Variants in CBLN2 observed in about 807,000 individuals in gnomAD.
CBLN2 encodes the protein cerebellin-2.
A neutral mutation model predicts 15.0 loss-of-function variants in CBLN2; 7 were observed. The observed-to-expected ratio is 0.47, with a 90% confidence interval of 0.27 to 0.88. CBLN2 has a LOEUF of 0.88. CBLN2 is among the 40% of genes least tolerant of loss of function. The pLI, the probability that CBLN2 is intolerant of heterozygous loss-of-function variation, is 0.14. For synonymous variants in CBLN2, 149 were observed against 135.2 expected, an observed-to-expected ratio of 1.10 and a Z score of -0.71; for missense variants, 242 against 304.5, an observed-to-expected ratio of 0.79 and a Z score of 1.53.
At chr18:72,568,124 T>C (rs2069308288) in intron 1 of CBLN2, among the ~76,000 whole-genome samples, 1 of 152,178 alleles carries the variant, frequency 6.6e-6, no homozygotes, top group Non-Finnish European at 1.5e-5. Context: ...TTATTCATTC[T>C]GTAAGTTTGA....
intron 1 of CBLN2, among the ~76,000 whole-genome samples, chr18:72,593,111 C>G (rs1348940145): frequency 1.3e-5 from 2 of 152,086 alleles, no homozygotes; most frequent in Non-Finnish European, 2.9e-5. Flanking sequence ...TTGATTATTG[C>G]AATTCACGAA....
In CBLN2 at chr18:72,543,533, G is replaced by C. The variant is rs2069134369; in HGVS notation, c.-211-3C>G. 2.5e-6 allele frequency: 1 copy of C among 397,140 alleles called. No individual in the cohort carries two copies. The highest frequency in any genetic ancestry group is 2.1e-5 in the African/African-American group (1 of 48,638). 24.6% of individuals were successfully genotyped at this position (397,140 alleles called of 1,614,324 possible). Reference sequence around the variant, plus strand: ...GCTCCGCTGTCCGCGAAGTTGCTCTGCTTAGAGAAAATGAGGCGAGTGGGA... The same window carrying C: ...GCTCCGCTGTCCGCGAAGTTGCTCTCCTTAGAGAAAATGAGGCGAGTGGGA... On this transcript the variant is annotated splice_polypyrimidine_tract_variant and splice_region_variant and intron_variant, in intron 1 of 4. Coordinates refer to ENST00000269503, the MANE Select transcript of CBLN2 (RefSeq NM_182511.4). The surrounding 1 kb of genome is among the most constrained non-coding windows in gnomAD (Gnocchi z 6.8).
chr18:72,550,662 T>C (rs1245016443), intron 1 of CBLN2, among the ~76,000 whole-genome samples: 5 of 152,152 alleles, frequency 3.3e-5, no homozygotes, highest in Non-Finnish European at 7.4e-5. Context: ...TCATGGAAAA[T>C]AACATAACAC....
At chr18:72,561,514 T>C (rs1478693241) in intron 1 of CBLN2, among the ~76,000 whole-genome samples, 1 of 152,172 alleles carries the variant, frequency 6.6e-6, no homozygotes, top group African/African-American at 2.4e-5. Flanking sequence ...ATAGCATTCC[T>C]CTGAAGATTT....
At chr18:72,637,034 A>C (rs2069817486) in intron 1 of CBLN2, among the ~76,000 whole-genome samples, 1 of 133,792 alleles carries the variant, frequency 7.5e-6, no homozygotes, top group Admixed American at 8.0e-5. Flanking sequence ...TATTAAAAAC[A>C]AAACTGCAAA....
chr18:72,599,924 C>A (rs994384461), intron 1 of CBLN2, among the ~76,000 whole-genome samples: 1 of 152,164 alleles, frequency 6.6e-6, no homozygotes, highest in Admixed American at 6.5e-5. Flanking sequence ...AGGGCCAAGA[C>A]TGAGTGAGCT....
At chr18:72,538,618 C>T (rs767423615) in intron 4 of CBLN2, 35 bp downstream of exon 4, 6 of 1,611,910 alleles carry the variant, frequency 3.7e-6, no homozygotes, top group Non-Finnish European at 5.1e-6. Context: ...ACTATTAACT[C>T]AAACCTGAAA....
rs145440735 is a variant in CBLN2, at chr18:72,605,145, A to T, written c.15+33180T>A. Among the ~76,000 whole-genome samples the T allele has an allele frequency of 2.6e-4, 40 of 152,260 alleles. No individual in the cohort carries two copies. The East Asian group carries it at 7.3e-3, about 28-fold the overall frequency. ...CTTCTTCCTCTCTTAAAATTTTCCA[A>T]TTGAATTGAATTTACAGTCAACCAA... On this transcript the variant is annotated intron_variant, in intron 1 of 2. Coordinates refer to the CBLN2 transcript ENST00000581073.
chr18:72,557,738 C>T (rs2069235427), intron 1 of CBLN2, among the ~76,000 whole-genome samples: 1 of 152,078 alleles, frequency 6.6e-6, no homozygotes, highest in South Asian at 2.1e-4. Context: ...GGGAAGAATA[C>T]ATACTACTGC....
chr18:72,605,413 T>A (rs554290557), intron 1 of CBLN2, among the ~76,000 whole-genome samples: 9 of 152,340 alleles, frequency 5.9e-5, no homozygotes. Flanking sequence ...TAAACCCAAC[T>A]GGCCTTTGCT....
intron 1 of CBLN2, among the ~76,000 whole-genome samples, chr18:72,613,385 TACTC>T (rs1264865754): frequency 6.6e-6 from 1 of 152,218 alleles, no homozygotes; most frequent in African/African-American, 2.4e-5. Context: ...GTGTGCCACT[TACTC>T]TGTCTCAAGA....
In CBLN2 at chr18:72,543,390, T is replaced by A; in HGVS notation, c.-167+96A>T. The A allele has an allele frequency of 2.5e-6, 1 of 396,222 alleles. No homozygotes were observed. Among genetic ancestry groups the A allele is most frequent in the Non-Finnish European group, 4.5e-6 (1 of 224,710 alleles). The allele number at this position is 396,222 out of a possible 1,614,324, so 24.5% of individuals were successfully genotyped here. ...ATGATTTCCCTTCTCTCTCTCCACC[T>A]CCTCCACCCCTCGATCTGGACCAGG... On this transcript the variant is annotated intron_variant, in intron 2 of 4. Coordinates refer to ENST00000269503, the MANE Select transcript of CBLN2 (RefSeq NM_182511.4). The surrounding 1 kb of genome is among the most constrained non-coding windows in gnomAD (Gnocchi z 6.8).
chr18:72,558,991 G>A (rs2069243591), intron 1 of CBLN2, among the ~76,000 whole-genome samples: 1 of 152,216 alleles, frequency 6.6e-6, no homozygotes, highest in African/African-American at 2.4e-5. Flanking sequence ...GGAAGTCAAG[G>A]CTGCAGTAAG....
At chr18:72,606,045 C>CT (rs773981635) in intron 1 of CBLN2, among the ~76,000 whole-genome samples, 6 of 152,244 alleles carry the variant, frequency 3.9e-5, no homozygotes, top group Non-Finnish European at 7.3e-5. Flanking sequence ...CAGCCAGTCC[C>CT]TTTGGGAGCG....
rs540825760 is a variant in CBLN2 at position 72,634,491 on chromosome 18, A to G, written c.15+3834T>C. On this transcript the variant is annotated intron_variant, in intron 1 of 2. Coordinates refer to the CBLN2 transcript ENST00000581073. ...CTAATAATTATTAAAATTATAATAT[A>G]AATTGTATCTTTCCTGGGAATGTAG... Among the ~76,000 whole-genome samples, 308 of 152,242 alleles carry G rather than the reference A, an allele frequency of 2.0e-3. No individual in the cohort carries two copies. The Middle Eastern group carries it at 0.031, about 15-fold the overall frequency.
intron 3 of CBLN2, among the ~76,000 whole-genome samples, chr18:72,540,971 C>A (rs1216125916): frequency 6.6e-6 from 1 of 152,178 alleles, no homozygotes; most frequent in African/African-American, 2.4e-5. Context: ...TTCTGAAAAA[C>A]AACAGAAACC....
At position 72,588,842 on chromosome 18, in the gene CBLN2, A is replaced by G. The variant is rs139256120; in HGVS notation, c.15+49483T>C. On this transcript the variant is annotated intron_variant, in intron 1 of 2. Transcript: ENST00000581073. ...AACTATGGAAGCTTGGAACAGCACCATGTAGGGAACATTAAGTACTTCGCT... is the reference window on the plus strand; with the variant it reads ...AACTATGGAAGCTTGGAACAGCACCGTGTAGGGAACATTAAGTACTTCGCT... Among the ~76,000 whole-genome samples, 342 of 152,378 alleles carry G rather than the reference A, an allele frequency of 2.2e-3. 3 individuals are homozygous for G. The highest frequency in any genetic ancestry group is 7.6e-3 in the African/African-American group (315 of 41,594).
intron 1 of CBLN2, among the ~76,000 whole-genome samples, chr18:72,608,059 GT>G (rs948110342): frequency 3.3e-5 from 5 of 151,706 alleles, no homozygotes; most frequent in African/African-American, 4.8e-5. Context: ...TATCTGTAAG[GT>G]TTTTTTTCTC....
chr18:72,610,972 T>TA lies in CBLN2; in HGVS notation c.15+27352dup, dbSNP rs748839709. Among the ~76,000 whole-genome samples the TA allele has an allele frequency of 7.9e-5, 12 of 152,304 alleles. 1 individual carries two copies. The highest frequency in any genetic ancestry group is 3.9e-4 in the Admixed American group (6 of 15,304). ...GAGTACCCCCTATTTAGCTTCCACT[T>TA]ATAAGTGAGAACATGTGGTATCCGA... On this transcript the variant is annotated intron_variant, in intron 1 of 2. Transcript: ENST00000581073.
Sources: gnomAD v4.1 joint callset for allele counts (sites outside exome capture counted in the v4.1 genomes callset) on GRCh38, gnomAD v4.1.1 for gene constraint, Gnocchi (gnomAD v3.1) non-coding constraint, MANE v1.5 for transcripts, NCBI Gene and HGNC (gene_info 2026-07-23, HGNC 2026-07-21) for gene names.